Variants in ZDHHC17 observed in about 807,000 individuals in gnomAD.
ZDHHC17 encodes the protein zDHHC palmitoyltransferase 17, also known as palmitoyltransferase ZDHHC17.
ZDHHC17 carries 40 observed loss-of-function variants against 90.3 expected under a neutral mutation model. That is an observed-to-expected ratio of 0.44 (90% CI 0.34 to 0.58). ZDHHC17 has a LOEUF of 0.58. Ranked by LOEUF, ZDHHC17 falls within the 20% of genes least tolerant of loss-of-function variation. The pLI, the probability that ZDHHC17 is intolerant of heterozygous loss-of-function variation, is 0.01. For missense variants in ZDHHC17, 614 were observed against 780.8 expected, an observed-to-expected ratio of 0.79 and a Z score of 2.55; for synonymous variants, 235 against 252.4, an observed-to-expected ratio of 0.93 and a Z score of 0.65.
intron 2 of ZDHHC17, among the ~76,000 whole-genome samples, chr12:76,802,869 G>A (rs1376407461): frequency 6.6e-6 from 1 of 152,190 alleles, no homozygotes; most frequent in Non-Finnish European, 1.5e-5. Flanking sequence ...TGCAAAAGTG[G>A]TACATATTCA....
At chr12:76,830,330 C>T (rs1592492465) in intron 10 of ZDHHC17, among the ~76,000 whole-genome samples, 1 of 152,112 alleles carries the variant, frequency 6.6e-6, no homozygotes, top group South Asian at 2.1e-4. Flanking sequence ...AGTTGAAACA[C>T]AAAATGTGCT....
rs372917533 is a variant in ZDHHC17 at position 76,822,417 on chromosome 12, G to A, written c.783G>A (p.Ala261=). Residue 261 remains alanine, a synonymous_variant, in exon 8 of 17, where the codon GCG becomes GCA. Transcript: ENST00000426126. ...VDAQNIKGES[A]LDLAKQRKNV... is the part of the protein sequence containing the mutation. ...GTTTATATTATCAGGGCGAATCAGCGCTTGATTTGGCAAAACAGAGAAAAA... is the reference window on the plus strand; with the variant it reads ...GTTTATATTATCAGGGCGAATCAGCACTTGATTTGGCAAAACAGAGAAAAA... The A allele has an allele frequency of 6.4e-5, 104 of 1,613,536 alleles. 1 individual carries two copies. In the South Asian group the frequency reaches 1.1e-3, roughly 17 times the overall value.
intron 3 of ZDHHC17, among the ~76,000 whole-genome samples, chr12:76,808,480 C>A (rs1952980825): frequency 6.6e-6 from 1 of 152,048 alleles, no homozygotes; most frequent in Admixed American, 6.6e-5. Context: ...CTCTCTCCCC[C>A]TCTCTCAAAA....
intron 1 of ZDHHC17, among the ~76,000 whole-genome samples, chr12:76,796,662 A>G (rs1490136173): frequency 5.3e-5 from 8 of 152,206 alleles, no homozygotes; most frequent in Non-Finnish European, 1.0e-4. Flanking sequence ...AGGAAAGGTG[A>G]TATCTGAGAA....
At chr12:76,782,305 C>A (rs1168782606) in intron 1 of ZDHHC17, among the ~76,000 whole-genome samples, 2 of 152,116 alleles carry the variant, frequency 1.3e-5, no homozygotes, top group Admixed American at 1.3e-4. Flanking sequence ...GGAATGTTAC[C>A]TGAGTAAAGT....
At chr12:76,824,196 GT>G (rs1953203345) in intron 8 of ZDHHC17, among the ~76,000 whole-genome samples, 1 of 152,062 alleles carries the variant, frequency 6.6e-6, no homozygotes, top group Non-Finnish European at 1.5e-5. Flanking sequence ...AGGTTTATGT[GT>G]TTGGATATGA....
intron 1 of ZDHHC17, among the ~76,000 whole-genome samples, chr12:76,795,218 G>C (rs1952804531): frequency 1.1e-5 from 1 of 91,882 alleles, no homozygotes; most frequent in Non-Finnish European, 2.8e-5. Flanking sequence ...TGGTTCATGG[G>C]TGTGTGTGTG....
intron 14 of ZDHHC17, among the ~76,000 whole-genome samples, chr12:76,847,911 A>C (rs1433788016): frequency 6.6e-6 from 1 of 152,184 alleles, no homozygotes; most frequent in East Asian, 1.9e-4. Context: ...CTTTCAAAAA[A>C]ATCTCTTTCA....
At chr12:76,771,127 A>G (rs1952487224) in intron 1 of ZDHHC17, among the ~76,000 whole-genome samples, 1 of 152,166 alleles carries the variant, frequency 6.6e-6, no homozygotes, top group Admixed American at 6.5e-5. Context: ...TTGGAATTTG[A>G]AAAATAATGA....
At chr12:76,770,560 T>C (rs532655182) in intron 1 of ZDHHC17, among the ~76,000 whole-genome samples, 1 of 152,208 alleles carries the variant, frequency 6.6e-6, no homozygotes, top group South Asian at 2.1e-4. Flanking sequence ...AAATTAGAAA[T>C]GATTCGTGGT....
Position 76,815,885 on chromosome 12 carries a change from T to A in ZDHHC17, c.637T>A (p.Phe213Ile). 6.4e-7 allele frequency: 1 copy of A among 1,552,138 alleles called. No individual in the cohort carries two copies. Among genetic ancestry groups the A allele is most frequent in the East Asian group, 2.4e-5 (1 of 42,404 alleles). Reference protein sequence around the residue: ...SVDPTRLLLTFNVSVNLGDKY... With the variant: ...SVDPTRLLLTINVSVNLGDKY... ...GGATCCAACTAGATTGCTTTTAACA[T>A]TCAATGTTTCAGTTAACCTTGGTGA... is the stretch of plus-strand genomic sequence containing the variant. Residue 213 changes from phenylalanine to isoleucine, a missense_variant, in exon 7 of 17, where the codon TTC becomes ATC. Coordinates refer to ENST00000426126, the MANE Select transcript of ZDHHC17 (RefSeq NM_015336.4).
rs2137770426 is a variant in ZDHHC17, at chr12:76,815,904, T to G, written c.656T>G (p.Leu219Arg). ...LLLTFNVSVN[L>R]GDKYHKNTAL... ...TTAACATTCAATGTTTCAGTTAACC[T>G]TGGTGACAAGTATCACAAAAACACT... Residue 219 changes from leucine (L) to arginine (R), a missense_variant, in exon 7 of 17, where the codon CTT becomes CGT. Leu to Arg is a moderately radical substitution (Grantham distance 102). Coordinates refer to ENST00000426126, the MANE Select transcript of ZDHHC17 (RefSeq NM_015336.4). 1 of 1,579,162 alleles carries G rather than the reference T, an allele frequency of 6.3e-7. No individual in the cohort carries two copies. The highest frequency in any genetic ancestry group is 1.2e-5 in the South Asian group (1 of 86,046).
chr12:76,774,264 G>GTGTGTA (rs139357745), intron 1 of ZDHHC17, among the ~76,000 whole-genome samples: 17,571 of 149,700 alleles, frequency 0.12, 1,165 homozygotes, highest in Middle Eastern at 0.21. Context: ...TAAAGAATGT[G>GTGTGTA]TGTGTATGTG....
At chr12:76,830,991 A>T (rs548898068) in intron 10 of ZDHHC17, among the ~76,000 whole-genome samples, 1 of 152,336 alleles carries the variant, frequency 6.6e-6, no homozygotes, top group Non-Finnish European at 1.5e-5. Context: ...AGAACAATCA[A>T]GTCTATTTAG....
chr12:76,801,677 A>G (rs1952893132), intron 2 of ZDHHC17, among the ~76,000 whole-genome samples: 1 of 152,146 alleles, frequency 6.6e-6, no homozygotes, highest in South Asian at 2.1e-4. Context: ...AAAATCCTAA[A>G]GTTATAACAC....
intron 10 of ZDHHC17, among the ~76,000 whole-genome samples, chr12:76,828,806 A>T (rs1017190341): frequency 3.4e-4 from 52 of 151,970 alleles, no homozygotes; most frequent in African/African-American, 1.1e-3. Flanking sequence ...TTTTTGTTCC[A>T]TATTTTTTAT....
At chr12:76,823,445 G>T (rs1953190011) in intron 8 of ZDHHC17, among the ~76,000 whole-genome samples, 1 of 152,160 alleles carries the variant, frequency 6.6e-6, no homozygotes, top group Non-Finnish European at 1.5e-5. Flanking sequence ...TTTTCCCCCA[G>T]AGAGGGGGTC....
chr12:76,822,623 T>A, intron 8 of ZDHHC17, 92 bp downstream of exon 8: 1 of 1,012,522 alleles, frequency 9.9e-7, no homozygotes, highest in Non-Finnish European at 1.5e-6. Flanking sequence ...GGCGAGATTT[T>A]GGCTCACTGC....
In ZDHHC17 at chr12:76,850,934, G is replaced by A. The variant is rs780012504; in HGVS notation, c.1848G>A (p.Gln616=). The change falls in exon 17 of 17, where the codon CAG becomes CAA. Residue 616 remains glutamine, a synonymous_variant. Coordinates refer to ENST00000426126, the MANE Select transcript of ZDHHC17 (RefSeq NM_015336.4). ...CTGTTATCGTGGACTGGACCAGGCA[G>A]TATACAATAGAATATGACCAAATAT... is the stretch of plus-strand genomic sequence containing the variant. ...FRPVIVDWTR[Q]YTIEYDQISG... The A allele has an allele frequency of 8.7e-6, 14 of 1,613,946 alleles. No individual in the cohort carries two copies. The highest frequency in any genetic ancestry group is 1.2e-5 in the Non-Finnish European group (14 of 1,179,876).
Sources: allele counts gnomAD v4.1 joint callset (sites outside exome capture counted in the v4.1 genomes callset), GRCh38; gene constraint gnomAD v4.1.1; transcripts MANE v1.5; gene names NCBI Gene and HGNC (gene_info 2026-07-23, HGNC 2026-07-21).